Variants in ESPN observed in about 807,000 individuals in gnomAD.
ESPN encodes the protein espin, also known as autosomal recessive deafness type 36 protein.
ESPN carries 68 observed loss-of-function variants against 77.7 expected under a neutral mutation model. The observed-to-expected ratio is 0.87, with a 90% confidence interval of 0.72 to 1.07. The LOEUF (loss-of-function observed/expected upper bound fraction) is 1.07. Ranked by LOEUF, ESPN falls within the 50% of genes least tolerant of loss-of-function variation. The pLI is 0.00. For synonymous variants in ESPN, 449 were observed against 567.1 expected, an observed-to-expected ratio of 0.79 and a Z score of 2.96; for missense variants, 1,060 against 1,239.0, an observed-to-expected ratio of 0.86 and a Z score of 2.17.
rs1183237872 is a variant in ESPN at position 6,451,553 on chromosome 1, G to T, written c.1916-50G>T. 1 of 1,594,778 alleles carries T rather than the reference G, an allele frequency of 6.3e-7. No individual in the cohort carries two copies. The highest frequency in any genetic ancestry group is 8.5e-7 in the Non-Finnish European group (1 of 1,170,444). On this transcript the variant is annotated intron_variant, in intron 8 of 12. Coordinates refer to ENST00000645284, the MANE Select transcript of ESPN (RefSeq NM_031475.3). This position sits in a 1 kb window ranked among gnomAD's most constrained non-coding sequence, Gnocchi z 4.3. Reference sequence around the variant, plus strand: ...TGCAGAGGGGCGGGTGAGGGGTGGCGGGGATGCAGCCCCACCCTGGCCAGT... The same window carrying T: ...TGCAGAGGGGCGGGTGAGGGGTGGCTGGGATGCAGCCCCACCCTGGCCAGT...
rs141564834 is a variant in ESPN at position 6,460,129 on chromosome 1, G to A, written c.2548G>A (p.Asp850Asn). 1 of 1,612,462 alleles carries A rather than the reference G, an allele frequency of 6.2e-7. No individual in the cohort carries two copies. Among genetic ancestry groups the A allele is most frequent in the South Asian group, 1.1e-5 (1 of 91,046 alleles). ...WQRQVILKKG[D>N]IAKY ...GCGACAGGTCATCCTGAAGAAGGGGGACATCGCTAAGTACTAGAGGCCGCA... is the reference window on the plus strand; with the variant it reads ...GCGACAGGTCATCCTGAAGAAGGGGAACATCGCTAAGTACTAGAGGCCGCA... Residue 850 changes from aspartate to asparagine, a missense_variant, in exon 13 of 13, where the codon GAC becomes AAC. Physicochemically the swap from Asp to Asn is conservative, Grantham distance 23 (BLOSUM62 1). Transcript: ENST00000645284.
At position 6,448,722 on chromosome 1, in the gene ESPN, A is replaced by G. The variant is rs1225762896; in HGVS notation, c.1546A>G (p.Thr516Ala). ...KPRAFSKQPS[T>A]GDYYRQLGRC... ...CCGCGCCTTCAGCAAGCAGCCCAGC[A>G]CGGGGGACTACTACCGGCAGCTGGG... The change falls in exon 8 of 13, where the codon ACG becomes GCG. Residue 516 changes from threonine (T) to alanine (A), a missense_variant. By Grantham distance (58) the Thr-to-Ala change is moderately conservative (BLOSUM62 0). This residue lies in a region of ESPN where 130 missense variants were observed against 223.9 expected (regional missense o/e 0.58). Coordinates refer to ENST00000645284, the MANE Select transcript of ESPN (RefSeq NM_031475.3). The G allele has an allele frequency of 6.7e-7, 1 of 1,499,954 alleles. No individual in the cohort carries two copies. The highest frequency in any genetic ancestry group is 2.2e-5 in the Admixed American group (1 of 46,286). The allele number at this position is 1,499,954 out of a possible 1,614,324, so 92.9% of individuals were successfully genotyped here. A position where few individuals can be genotyped will look rare whatever the true frequency, so the allele number is the denominator to read the frequency against.
rs1490087380 is a variant in ESPN at position 6,424,802 on chromosome 1, C to G, written c.-154C>G. The G allele has an allele frequency of 1.3e-6, 1 of 762,686 alleles. No individual in the cohort carries two copies. The highest frequency in any genetic ancestry group is 3.8e-5 in the East Asian group (1 of 26,036). 47.2% of individuals were successfully genotyped at this position (762,686 alleles called of 1,614,324 possible). On this transcript the variant is annotated 5_prime_UTR_variant, in exon 1 of 13. Coordinates refer to ENST00000645284, the MANE Select transcript of ESPN (RefSeq NM_031475.3). ...GAGCGCGGCGGAGCGGAGCGCCAGG[C>G]AGCGCGGAGCGGAGGCCAGGCCCAC...
rs1643940891 is a variant in ESPN, at chr1:6,451,430, T to TG, written c.1916-168dup. The TG allele has an allele frequency of 2.3e-6, 2 of 860,082 alleles. No individual in the cohort carries two copies. The highest frequency in any genetic ancestry group is 4.3e-5 in the Admixed American group (2 of 46,030). 53.3% of individuals were successfully genotyped at this position (860,082 alleles called of 1,614,324 possible). A position where few individuals can be genotyped will look rare whatever the true frequency, so the allele number is the denominator to read the frequency against. ...AGTCAGGGAACCAAGGGCCCGCCTCTGGGGGCCCTGAAACCTGCCTGCAGG... is the reference window on the plus strand; with the variant it reads ...AGTCAGGGAACCAAGGGCCCGCCTCTGGGGGGCCCTGAAACCTGCCTGCAGG... On this transcript the variant is annotated intron_variant, in intron 8 of 12. Transcript: ENST00000645284. The surrounding 1 kb of genome is among the most constrained non-coding windows in gnomAD (Gnocchi z 4.3).
chr1:6,446,200 A>G (rs1323961720), intron 7 of ESPN, among the ~76,000 whole-genome samples: 5 of 152,120 alleles, frequency 3.3e-5, no homozygotes, highest in Non-Finnish European at 7.4e-5. Flanking sequence ...CTCACCAGGA[A>G]CTGGGCCTGT....
Position 6,445,772 on chromosome 1 carries a change from C to A in ESPN, c.1301C>A (p.Pro434Gln). 2.7e-6 allele frequency: 4 copies of A among 1,493,732 alleles called. No homozygotes were observed. The highest frequency in any genetic ancestry group is 3.6e-6 in the Non-Finnish European group (4 of 1,099,486). The allele number at this position is 1,493,732 out of a possible 1,614,324, so 92.5% of individuals were successfully genotyped here. Residue 434 changes from proline to glutamine, a missense_variant, in exon 7 of 13, where the codon CCA (proline) becomes CAA (glutamine). Pro to Gln is a moderately conservative substitution (Grantham distance 76). Around this residue, in one of 3 missense-constraint regions of ESPN, gnomAD observed 556 missense variants for 633.6 expected, o/e 0.88. Transcript: ENST00000645284. ...GGGAAGCCCACACCCCCACCACCCC[C>A]ACCCAGCTTCCCCCCGCCACCCCCG... is the stretch of plus-strand genomic sequence containing the variant. ...TIGKPTPPPP[P>Q]PSFPPPPPPP...
chr1:6,441,547 C>T (rs1296766884), intron 5 of ESPN, among the ~76,000 whole-genome samples: 4 of 152,212 alleles, frequency 2.6e-5, no homozygotes, highest in Non-Finnish European at 5.9e-5. Context: ...CATTTGCTGA[C>T]TTCATGGCTG....
intron 2 of ESPN, among the ~76,000 whole-genome samples, chr1:6,429,357 C>T (rs1314628748): frequency 6.6e-6 from 1 of 152,090 alleles, no homozygotes; most frequent in Non-Finnish European, 1.5e-5. Context: ...GGATTTGGAT[C>T]ATGTCAAAGT....
rs1644129603 is a variant in ESPN at position 6,460,012 on chromosome 1, C to T, written c.2431C>T (p.Arg811Ter). 3 of 1,613,586 alleles carry T rather than the reference C, an allele frequency of 1.9e-6. No homozygotes were observed. The highest frequency in any genetic ancestry group is 2.5e-6 in the Non-Finnish European group (3 of 1,180,014). ...CCACTGCCTCAGGAAAGAGGAGGAG[C>T]GACAGAAGCAGGAGGAGCTGCGGCG... ...EREQKRKEEE[R>*]QKQEELRREK... Residue 811 changes from arginine (R) to a stop codon, truncating the protein, a stop_gained, in exon 13 of 13, where the codon CGA becomes TGA. Coordinates refer to ENST00000645284, the MANE Select transcript of ESPN (RefSeq NM_031475.3). LOFTEE classifies it high-confidence loss of function.
At position 6,428,092 on chromosome 1, in the gene ESPN, A is replaced by T; in HGVS notation, c.295-134A>T. On this transcript the variant is annotated intron_variant, in intron 1 of 12. Coordinates refer to ENST00000645284, the MANE Select transcript of ESPN (RefSeq NM_031475.3). The surrounding 1 kb of genome is among the most constrained non-coding windows in gnomAD (Gnocchi z 5.4). ...GACCCAAAAAAAACATTGCTGAATGAGGCCTGGCCAATCCCTCCAGGGAAG... is the reference window on the plus strand; with the variant it reads ...GACCCAAAAAAAACATTGCTGAATGTGGCCTGGCCAATCCCTCCAGGGAAG... 3.2e-6 allele frequency: 3 copies of T among 927,262 alleles called. No homozygotes were observed. Among genetic ancestry groups the T allele is most frequent in the South Asian group, 2.8e-5 (2 of 71,236 alleles). 57.4% of individuals were successfully genotyped at this position (927,262 alleles called of 1,614,324 possible). A position where few individuals can be genotyped will look rare whatever the true frequency, so the allele number is the denominator to read the frequency against.
Position 6,427,740 on chromosome 1 carries a change from C to T in ESPN, c.295-486C>T, listed in dbSNP as rs916394975. Among the ~76,000 whole-genome samples the T allele has an allele frequency of 2.0e-5, 3 of 152,202 alleles. No individual in the cohort carries two copies. Among genetic ancestry groups the T allele is most frequent in the Non-Finnish European group, 2.9e-5 (2 of 68,028 alleles). Reference sequence around the variant, plus strand: ...TGACACCGAGGAAGGGTGGAGAGATCGGGGGCAAGTGTTGGATGCAGGGGG... The same window carrying T: ...TGACACCGAGGAAGGGTGGAGAGATTGGGGGCAAGTGTTGGATGCAGGGGG... On this transcript the variant is annotated intron_variant, in intron 1 of 12. Transcript: ENST00000645284. This position sits in a 1 kb window ranked among gnomAD's most constrained non-coding sequence, Gnocchi z 4.6.
At position 6,444,516 on chromosome 1, in the gene ESPN, C is replaced by T. The variant is rs753599663; in HGVS notation, c.1026C>T (p.Ser342=). The change falls in exon 6 of 13, where the codon TCC becomes TCT. Residue 342 remains serine (S), a synonymous_variant. Transcript: ENST00000645284. ...ACCGCGTGCTTTCCCGGGATCCATC[C>T]GCAGAGCTGGAGGCTAAGCAGCCGG... ...VEHRVLSRDP[S]AELEAKQPDS... The T allele has an allele frequency of 2.5e-5, 41 of 1,614,110 alleles. No individual in the cohort carries two copies. Among genetic ancestry groups the T allele is most frequent in the Admixed American group, 8.3e-5 (5 of 60,014 alleles).
In ESPN at chr1:6,457,375, G is replaced by C; in HGVS notation, c.2417+3G>C. Reference sequence around the variant, plus strand: ...TTTCCTTCCAGGGAGCAGAAGCGGTGAGTGCAGGGCTGGCCCCAACCTGCC... The same window carrying C: ...TTTCCTTCCAGGGAGCAGAAGCGGTCAGTGCAGGGCTGGCCCCAACCTGCC... On this transcript the variant is annotated splice_donor_region_variant and intron_variant, in intron 12 of 12. Coordinates refer to ENST00000645284, the MANE Select transcript of ESPN (RefSeq NM_031475.3). 6.2e-7 allele frequency: 1 copy of C among 1,614,210 alleles called. No homozygotes were observed. Among genetic ancestry groups the C allele is most frequent in the South Asian group, 1.1e-5 (1 of 91,088 alleles).
At chr1:6,454,316 C>T (rs985144321) in intron 10 of ESPN, 47 of 397,760 alleles carry the variant, frequency 1.2e-4, no homozygotes, top group African/African-American at 8.2e-4. Context: ...TCCCTGCAGA[C>T]GCAGCCCCGC....
chr1:6,458,706 G>T (rs1372925356), intron 12 of ESPN, among the ~76,000 whole-genome samples: 32 of 146,490 alleles, frequency 2.2e-4, no homozygotes, highest in South Asian at 4.5e-4. Context: ...TGAAGCGGGT[G>T]GATCACCTGA....
chr1:6,457,501 C>A, intron 12 of ESPN, 129 bp downstream of exon 12: 1 of 1,047,708 alleles, frequency 9.5e-7, no homozygotes, highest in Non-Finnish European at 1.5e-6. Flanking sequence ...CCTCCTTCCT[C>A]CCTATAATAC....
intron 10 of ESPN, chr1:6,455,591 G>A (rs1400090971): frequency 5.0e-6 from 2 of 399,152 alleles, no homozygotes; most frequent in Non-Finnish European, 8.8e-6. Context: ...AGCACTTCCT[G>A]CCGCCCCTGG....
chr1:6,445,765 C>T lies in ESPN; in HGVS notation c.1294C>T (p.Pro432Ser). ...RGTIGKPTPPPPPPSFPPPPP... is the reference protein window; with the variant it reads ...RGTIGKPTPPSPPPSFPPPPP... ...CACGATTGGGAAGCCCACACCCCCA[C>T]CACCCCCACCCAGCTTCCCCCCGCC... The change falls in exon 7 of 13, where the codon CCA (proline) becomes TCA (serine). Residue 432 changes from proline (P) to serine (S), a missense_variant. Transcript: ENST00000645284. The T allele has an allele frequency of 2.0e-6, 3 of 1,479,648 alleles. No homozygotes were observed. The highest frequency in any genetic ancestry group is 2.7e-6 in the Non-Finnish European group (3 of 1,092,754). The allele number at this position is 1,479,648 out of a possible 1,614,324, so 91.7% of individuals were successfully genotyped here.
intron 7 of ESPN, chr1:6,446,855 A>G (rs1027390591): frequency 2.6e-5 from 4 of 152,194 alleles, no homozygotes; most frequent in African/African-American, 9.7e-5. Context: ...CAATTCATAA[A>G]AGGTGACTCG....
Sources: gnomAD v4.1 joint callset for allele counts (sites outside exome capture counted in the v4.1 genomes callset) on GRCh38, gnomAD v4.1.1 for gene constraint, gnomAD v4.1.1 regional missense constraint, Gnocchi (gnomAD v3.1) non-coding constraint, MANE v1.5 for transcripts, NCBI Gene and HGNC (gene_info 2026-07-23, HGNC 2026-07-21) for gene names.